ACSS3: variants seen among roughly 807,000 people sequenced by gnomAD.
ACSS3 encodes acyl-CoA synthetase short-chain family member 3, mitochondrial.
In ACSS3, 64 loss-of-function variants were observed where a neutral mutation model predicts 84.2. The observed-to-expected ratio is 0.76, with a 90% CI of 0.62 to 0.94. ACSS3 has a LOEUF of 0.94. Ranked by LOEUF, ACSS3 falls within the 40% of genes least tolerant of loss-of-function variation. The probability of loss-of-function intolerance (pLI) is 0.00; values close to 1 mark genes in which losing one functional copy is unlikely to be tolerated. For synonymous variants in ACSS3, 317 were observed against 310.1 expected (o/e 1.02, Z -0.23); for missense variants, 815 against 867.6 (o/e 0.94, Z 0.76).
intron 1 of ACSS3, among the ~76,000 whole-genome samples, chr12:81,084,172 G>T (rs1881171744): frequency 6.6e-6 from 1 of 152,120 alleles, no homozygotes; most frequent in South Asian, 2.1e-4. Flanking sequence ...TGTTTGCAGT[G>T]CCTCGTAAGG....
intron 7 of ACSS3, 59 bp from the exon 8 acceptor site, chr12:81,174,729 A>T: frequency 6.5e-7 from 1 of 1,532,078 alleles, no homozygotes; most frequent in Non-Finnish European, 9.0e-7. Flanking sequence ...TAACTATTGA[A>T]CTGTCAGTGA....
chr12:81,242,787 G>A (rs1419963623), intron 13 of ACSS3, among the ~76,000 whole-genome samples: 1 of 146,820 alleles, frequency 6.8e-6, no homozygotes, highest in Non-Finnish European at 1.5e-5. Flanking sequence ...ATGCAGAAAA[G>A]GCCTTCAACA....
chr12:81,206,164 G>A (rs2032336758), intron 9 of ACSS3, among the ~76,000 whole-genome samples: 1 of 152,028 alleles, frequency 6.6e-6, no homozygotes, highest in Admixed American at 6.6e-5. Flanking sequence ...TTAACTACTT[G>A]TTATTCTCTG....
intron 13 of ACSS3, among the ~76,000 whole-genome samples, chr12:81,250,403 T>C (rs1359437103): frequency 1.3e-5 from 2 of 152,152 alleles, no homozygotes; most frequent in Non-Finnish European, 1.5e-5. Context: ...TAAGAATTTA[T>C]CTGCAGTAGG....
intron 10 of ACSS3, among the ~76,000 whole-genome samples, chr12:81,218,852 A>G (rs1326700198): frequency 6.6e-6 from 1 of 152,076 alleles, no homozygotes; most frequent in East Asian, 1.9e-4. Flanking sequence ...AAAACCAAGG[A>G]ATCAGTGACT....
intron 15 of ACSS3, 69 bp downstream of exon 15, chr12:81,253,739 G>A: frequency 6.6e-7 from 1 of 1,514,258 alleles, no homozygotes; most frequent in Non-Finnish European, 9.0e-7. Context: ...CATCAGCAAA[G>A]CTCTTAAAAA....
intron 8 of ACSS3, among the ~76,000 whole-genome samples, chr12:81,177,998 TAAAGACAC>T (rs1235884289): frequency 4.6e-5 from 7 of 152,138 alleles, no homozygotes; most frequent in Admixed American, 4.6e-4. Flanking sequence ...CATGCTGCTA[TAAAGACAC>T]ATGCACACAT....
At chr12:81,095,277 A>G (rs1334812981) in intron 1 of ACSS3, among the ~76,000 whole-genome samples, 1 of 152,224 alleles carries the variant, frequency 6.6e-6, no homozygotes, top group Non-Finnish European at 1.5e-5. Flanking sequence ...AGTGTTATGA[A>G]AAGGACTGAC....
rs1403415163 is a variant in ACSS3 at position 81,107,511 on chromosome 12, C to CACACACACATAT, written c.312-2048_312-2047insCACACACATATA. ...TTTTTTTTTCAGGTACAAATATATA[C>CACACACACATAT]ATATATATATATATATATATATATA... On this transcript the variant is annotated intron_variant, in intron 1 of 15. Coordinates refer to ENST00000548058, the MANE Select transcript of ACSS3 (RefSeq NM_024560.4). 1.5e-4 allele frequency among the ~76,000 whole-genome samples: 6 copies of CACACACACATAT among 38,828 alleles called. 1 individual carries two copies. Among genetic ancestry groups the CACACACACATAT allele is most frequent in the Non-Finnish European group, 2.5e-4 (5 of 20,406 alleles). The allele number at this position is 38,828 out of a possible 152,430, so 25.5% of individuals were successfully genotyped here. A position where few individuals can be genotyped will look rare whatever the true frequency, so the allele number is the denominator to read the frequency against.
At chr12:81,183,112 AG>A (rs1158772902) in intron 8 of ACSS3, among the ~76,000 whole-genome samples, 1 of 152,190 alleles carries the variant, frequency 6.6e-6, no homozygotes, top group African/African-American at 2.4e-5. Flanking sequence ...CATGCTGGCA[AG>A]GGGAAAAGTG....
chr12:81,175,709 A>G (rs1295533755), intron 8 of ACSS3, among the ~76,000 whole-genome samples: 1 of 152,224 alleles, frequency 6.6e-6, no homozygotes, highest in Non-Finnish European at 1.5e-5. Flanking sequence ...CTCTCTGAAA[A>G]TCATACAATT....
intron 1 of ACSS3, among the ~76,000 whole-genome samples, chr12:81,096,745 G>T (rs1007543205): frequency 2.6e-5 from 4 of 151,706 alleles, no homozygotes; most frequent in Non-Finnish European, 5.9e-5. Flanking sequence ...TCCTGTGTTA[G>T]TTGCTGAGAA....
At chr12:81,240,919 C>G (rs2033779275) in intron 13 of ACSS3, among the ~76,000 whole-genome samples, 1 of 151,938 alleles carries the variant, frequency 6.6e-6, no homozygotes, top group African/African-American at 2.4e-5. Flanking sequence ...ATGTGACATG[C>G]TGGTGCACTG....
chr12:81,166,195 A>G (rs898930803), intron 7 of ACSS3, among the ~76,000 whole-genome samples: 10 of 152,296 alleles, frequency 6.6e-5, no homozygotes, highest in Admixed American at 5.2e-4. Flanking sequence ...CAGGACTAGA[A>G]TATCAGTGAT....
chr12:81,217,147 C>A, intron 10 of ACSS3, 151 bp downstream of exon 10: 1 of 559,048 alleles, frequency 1.8e-6, no homozygotes, highest in Non-Finnish European at 3.2e-6. Flanking sequence ...TTAATTTTTG[C>A]TATCAAAAGT....
At chr12:81,166,175 G>A (rs1448316937) in intron 7 of ACSS3, among the ~76,000 whole-genome samples, 1 of 152,166 alleles carries the variant, frequency 6.6e-6, no homozygotes, top group East Asian at 1.9e-4. Flanking sequence ...TGTAGTCCAA[G>A]ATACGTGGCC....
intron 12 of ACSS3, 26 bp downstream of exon 12, chr12:81,231,164 T>A: frequency 6.6e-7 from 1 of 1,523,824 alleles, no homozygotes; most frequent in Non-Finnish European, 9.0e-7. Context: ...TGCTTTTTTA[T>A]CTTCTTATGT....
At chr12:81,224,572 AC>A (rs2033209425) in intron 11 of ACSS3, among the ~76,000 whole-genome samples, 1 of 80,960 alleles carries the variant, frequency 1.2e-5, no homozygotes, top group African/African-American at 4.2e-5. Context: ...ACACACACAC[AC>A]ATGTGTGTGT....
chr12:81,111,251 T>C (rs190588302), intron 2 of ACSS3, among the ~76,000 whole-genome samples: 1 of 152,272 alleles, frequency 6.6e-6, no homozygotes, highest in African/African-American at 2.4e-5. Context: ...ATAACTAGAC[T>C]CACTGCCTTG....
Sources: allele counts gnomAD v4.1 joint callset (sites outside exome capture counted in the v4.1 genomes callset), GRCh38; gene constraint gnomAD v4.1.1; transcripts MANE v1.5; gene names NCBI Gene and HGNC (gene_info 2026-07-23, HGNC 2026-07-21).